The following KIT variants were observed in gnomAD, a reference collection of about 807,000 sequenced individuals.
KIT encodes mast/stem cell growth factor receptor Kit.
Under a neutral mutation model 105.7 loss-of-function variants are expected in KIT, and 16 were observed. The ratio of observed to expected loss-of-function variants is 0.15; its 90% confidence interval spans 0.10 to 0.23. The LOEUF is 0.23. KIT is among the 10% of genes least tolerant of loss of function. KIT has a pLI of 1.00. For synonymous variants in KIT, 438 were observed against 441.1 expected (o/e 0.99, Z 0.09); for missense variants, 858 against 1,213.8 (o/e 0.71, Z 4.36).
chr4:54,695,085 A>G (rs996685595), intron 1 of KIT, among the ~76,000 whole-genome samples: 1 of 152,240 alleles, frequency 6.6e-6, no homozygotes, highest in Non-Finnish European at 1.5e-5. Context: ...TGTCATGGTC[A>G]TGTATATTCT....
chr4:54,705,275 C>T (rs3111800), intron 5 of KIT, among the ~76,000 whole-genome samples: 52,216 of 151,890 alleles, frequency 0.34, 10,771 homozygotes, highest in Middle Eastern at 0.56. Context: ...GGCTGTGAAA[C>T]CTGAATCTGG....
chr4:54,700,912 G>A (rs1308095774), intron 4 of KIT, among the ~76,000 whole-genome samples: 1 of 152,142 alleles, frequency 6.6e-6, no homozygotes, highest in African/African-American at 2.4e-5. Flanking sequence ...TTTAGTTTTT[G>A]TATCATATAA....
intron 16 of KIT, among the ~76,000 whole-genome samples, chr4:54,732,205 C>T (rs1722656373): frequency 6.6e-6 from 1 of 151,830 alleles, no homozygotes; most frequent in African/African-American, 2.4e-5. Flanking sequence ...AATTTATAAG[C>T]TGTAAAGTAC....
At chr4:54,658,458 T>A (rs888821080) in intron 1 of KIT, among the ~76,000 whole-genome samples, 2 of 152,004 alleles carry the variant, frequency 1.3e-5, no homozygotes, top group Admixed American at 6.5e-5. Flanking sequence ...TCTCTTGCCG[T>A]GCGAGGCGCG....
Position 54,738,702 on chromosome 4 carries a change from T to C in KIT, c.*145T>C. On this transcript the variant is annotated 3_prime_UTR_variant, in exon 21 of 21. Coordinates refer to ENST00000288135, the MANE Select transcript of KIT (RefSeq NM_000222.3). Reference sequence around the variant, plus strand: ...TCCTGTCTTTCTGAGCACACTTTAGTGGCCGATGATTTTTGTCATCAGCCA... The same window carrying C: ...TCCTGTCTTTCTGAGCACACTTTAGCGGCCGATGATTTTTGTCATCAGCCA... The C allele has an allele frequency of 9.7e-7, 1 of 1,033,816 alleles. No individual in the cohort carries two copies. Among genetic ancestry groups the C allele is most frequent in the Non-Finnish European group, 1.5e-6 (1 of 669,960 alleles). 64.0% of individuals were successfully genotyped at this position (1,033,816 alleles called of 1,614,324 possible).
intron 7 of KIT, among the ~76,000 whole-genome samples, chr4:54,718,838 A>G (rs1413404944): frequency 6.6e-6 from 1 of 152,242 alleles, no homozygotes; most frequent in Non-Finnish European, 1.5e-5. Context: ...TTAAGAATGT[A>G]TAAGACACAG....
At chr4:54,738,345 G>A in intron 20 of KIT, 84 bp from the exon 21 acceptor site, 1 of 1,513,542 alleles carries the variant, frequency 6.6e-7, no homozygotes, top group East Asian at 2.3e-5. Flanking sequence ...TCAGTTAGTT[G>A]TGATCTTGAC....
intron 1 of KIT, among the ~76,000 whole-genome samples, chr4:54,678,538 A>G (rs1041980280): frequency 6.6e-6 from 1 of 152,028 alleles, no homozygotes; most frequent in Admixed American, 6.6e-5. Context: ...ATTCTGACCT[A>G]TTTTACCCCT....
rs574635344 is a variant in KIT, at chr4:54,715,101, T to A, written c.1231+5562T>A. 2.6e-5 allele frequency among the ~76,000 whole-genome samples: 4 copies of A among 152,320 alleles called. No individual in the cohort carries two copies. In the East Asian group the frequency reaches 7.7e-4, roughly 29 times the overall value. On this transcript the variant is annotated intron_variant, in intron 7 of 20. Transcript: ENST00000288135. ...TTAACATCCTACCTGTTGTTAGCAA[T>A]TATTTATAGGTCATACAGTATACCA...
rs201411927 is a variant in KIT, at chr4:54,713,074, G to GA, written c.1231+3543dup. ...GCTGATTTGTTGATTTTTTTTAATT[G>GA]AAAAAAAATCTAGTTAACATTATTA... is the stretch of plus-strand genomic sequence containing the variant. On this transcript the variant is annotated intron_variant, in intron 7 of 20. Transcript: ENST00000288135. Among the ~76,000 whole-genome samples, 904 of 150,732 alleles carry GA rather than the reference G, an allele frequency of 6.0e-3. 6 individuals carry two copies. Among genetic ancestry groups the GA allele is most frequent in the African/African-American group, 0.021 (846 of 41,124 alleles).
rs370787811 is a variant in KIT at position 54,658,066 on chromosome 4, C to G, written c.52C>G (p.Leu18Val). 3 of 1,613,932 alleles carry G rather than the reference C, an allele frequency of 1.9e-6. No individual in the cohort carries two copies. In the South Asian group the frequency reaches 3.3e-5, roughly 18 times the overall value. ...TTTTCTCTGCGTTCTGCTCCTACTGCTTCGCGTCCAGACAGGTGGGACACC... is the reference window on the plus strand; with the variant it reads ...TTTTCTCTGCGTTCTGCTCCTACTGGTTCGCGTCCAGACAGGTGGGACACC... Reference protein sequence around the residue: ...WDFLCVLLLLLRVQTGSSQPS... With the variant: ...WDFLCVLLLLVRVQTGSSQPS... Residue 18 changes from leucine (L) to valine (V), a missense_variant, in exon 1 of 21, where the codon CTT becomes GTT. Leu to Val is a conservative substitution (Grantham distance 32, BLOSUM62 1). This residue lies in a region of KIT where 46 missense variants were observed against 38.8 expected (regional missense o/e 1.19). Transcript: ENST00000288135.
intron 1 of KIT, among the ~76,000 whole-genome samples, chr4:54,681,479 G>A (rs1004165098): frequency 1.3e-5 from 2 of 152,278 alleles, no homozygotes; most frequent in Admixed American, 6.5e-5. Flanking sequence ...GAGATCAAAA[G>A]GGGAGGTCTT....
chr4:54,732,045 A>ATTTTTTTTTTTTTT (rs71662297), intron 16 of KIT, 47 bp downstream of exon 16: 3 of 888,854 alleles, frequency 3.4e-6, no homozygotes, highest in East Asian at 3.2e-5. Context: ...TGTTTTTTTG[A>ATTTTTTTTTTTTTT]TTTTTTTTTT....
intron 20 of KIT, among the ~76,000 whole-genome samples, chr4:54,738,155 G>C (rs115271715): frequency 3.6e-3 from 552 of 152,286 alleles, no homozygotes; most frequent in African/African-American, 0.012. Context: ...GATAGTGCTT[G>C]GTGCCTGGTG....
intron 1 of KIT, among the ~76,000 whole-genome samples, chr4:54,685,001 C>T (rs1719212301): frequency 6.6e-6 from 1 of 152,158 alleles, no homozygotes. Context: ...TCTATTTTGC[C>T]ATTCAAAGTA....
chr4:54,693,702 G>A (rs1379910363), intron 1 of KIT, among the ~76,000 whole-genome samples: 4 of 152,144 alleles, frequency 2.6e-5, no homozygotes, highest in South Asian at 2.1e-4. Flanking sequence ...GGTGGCAGGG[G>A]ACATAAATCT....
intron 1 of KIT, among the ~76,000 whole-genome samples, chr4:54,690,546 C>T (rs1719640502): frequency 6.6e-6 from 1 of 152,162 alleles, no homozygotes; most frequent in Non-Finnish European, 1.5e-5. Flanking sequence ...TGCCACCTAT[C>T]CTTTTTTTGG....
chr4:54,729,328 C>G lies in KIT; in HGVS notation c.1991-7C>G. ...CTTCTTTCTAACCTTTTCTTATGTGCTTTTAGGGCCCACCCTGGTCATTAC... is the reference window on the plus strand; with the variant it reads ...CTTCTTTCTAACCTTTTCTTATGTGGTTTTAGGGCCCACCCTGGTCATTAC... On this transcript the variant is annotated splice_polypyrimidine_tract_variant and splice_region_variant and intron_variant, in intron 13 of 20. Coordinates refer to ENST00000288135, the MANE Select transcript of KIT (RefSeq NM_000222.3). 1 of 1,613,208 alleles carries G rather than the reference C, an allele frequency of 6.2e-7. No individual in the cohort carries two copies. Among genetic ancestry groups the G allele is most frequent in the South Asian group, 1.1e-5 (1 of 91,060 alleles).
rs1488306780 is a variant in KIT, at chr4:54,699,700, A to G, written c.690A>G (p.Thr230=). The G allele has an allele frequency of 6.2e-7, 1 of 1,613,912 alleles. No individual in the cohort carries two copies. Among genetic ancestry groups the G allele is most frequent in the Non-Finnish European group, 8.5e-7 (1 of 1,179,912 alleles). ...TTCTTAGGGAAGGGGAAGAATTCAC[A>G]GTGACGTGCACAATAAAAGATGTGT... The part of the protein sequence containing the change: ...SYLLREGEEF[T]VTCTIKDVSS... The change falls in exon 4 of 21, where the codon ACA becomes ACG. Residue 230 remains threonine, a synonymous_variant. Transcript: ENST00000288135.
Sources: gnomAD v4.1 joint callset for allele counts (sites outside exome capture counted in the v4.1 genomes callset) on GRCh38, gnomAD v4.1.1 for gene constraint, gnomAD v4.1.1 regional missense constraint, MANE v1.5 for transcripts, NCBI Gene and HGNC (gene_info 2026-07-23, HGNC 2026-07-21) for gene names.